Variants in CAMK4 observed in about 807,000 individuals in gnomAD.
CAMK4 encodes the protein calcium/calmodulin dependent protein kinase IV.
Under a neutral mutation model 44.9 loss-of-function variants are expected in CAMK4, and 22 were observed. That is an observed-to-expected ratio of 0.49 (90% CI 0.35 to 0.70). The LOEUF is 0.70. Among genes scored for constraint, CAMK4 ranks in the 30% least tolerant of loss-of-function variants. The pLI, the probability that CAMK4 is intolerant of heterozygous loss-of-function variation, is 0.01. For synonymous variants in CAMK4, 218 were observed against 215.4 expected, an observed-to-expected ratio of 1.01 and a Z score of -0.11; for missense variants, 498 against 586.8, an observed-to-expected ratio of 0.85 and a Z score of 1.56.
chr5:111,367,308 A>G (rs1007489878), intron 2 of CAMK4, among the ~76,000 whole-genome samples: 1 of 151,728 alleles, frequency 6.6e-6, no homozygotes, highest in East Asian at 1.9e-4. Flanking sequence ...CATCATAACT[A>G]TCTCACTCCC....
intron 1 of CAMK4, among the ~76,000 whole-genome samples, chr5:111,312,957 C>G (rs897467857): frequency 6.6e-6 from 1 of 152,102 alleles, no homozygotes; most frequent in Non-Finnish European, 1.5e-5. Flanking sequence ...AACTTTTTAA[C>G]TTAAAACAAC....
chr5:111,267,322 A>G (rs972548995), intron 1 of CAMK4, among the ~76,000 whole-genome samples: 4 of 152,176 alleles, frequency 2.6e-5, no homozygotes, highest in African/African-American at 9.7e-5. Context: ...CCTATTATGT[A>G]TATATTATAT....
intron 5 of CAMK4, among the ~76,000 whole-genome samples, chr5:111,430,027 C>T (rs1227647749): frequency 6.6e-6 from 1 of 151,316 alleles, no homozygotes; most frequent in Non-Finnish European, 1.5e-5. Flanking sequence ...AAGAAAACTA[C>T]AGGCCAGTAT....
intron 7 of CAMK4, among the ~76,000 whole-genome samples, chr5:111,455,651 G>A (rs6871622): frequency 0.019 from 2,825 of 152,296 alleles, 86 homozygotes; most frequent in African/African-American, 0.065. Context: ...ACCCTAAGGC[G>A]TGGTAGGTCT....
At chr5:111,252,996 A>G (rs1270785019) in intron 1 of CAMK4, among the ~76,000 whole-genome samples, 1 of 152,214 alleles carries the variant, frequency 6.6e-6, no homozygotes. Context: ...GCTGTCAGTC[A>G]TGTTTGCATT....
chr5:111,333,374 T>G (rs1184079614), intron 1 of CAMK4, among the ~76,000 whole-genome samples: 1 of 150,878 alleles, frequency 6.6e-6, no homozygotes, highest in Non-Finnish European at 1.5e-5. Context: ...TAGTTGATAC[T>G]AATAGCTAAC....
intron 1 of CAMK4, among the ~76,000 whole-genome samples, chr5:111,329,748 G>T (rs573567237): frequency 1.3e-5 from 2 of 151,548 alleles, no homozygotes; most frequent in African/African-American, 4.8e-5. Context: ...TCTCAATAAA[G>T]GTAGATTAAG....
At chr5:111,279,514 G>T (rs1239606511) in intron 1 of CAMK4, among the ~76,000 whole-genome samples, 1 of 151,316 alleles carries the variant, frequency 6.6e-6, no homozygotes, top group Admixed American at 6.6e-5. Context: ...TTCTCAGAGA[G>T]TGATCTTTTT....
intron 1 of CAMK4, among the ~76,000 whole-genome samples, chr5:111,329,014 A>G (rs575358455): frequency 2.6e-5 from 4 of 151,960 alleles, no homozygotes; most frequent in Non-Finnish European, 5.9e-5. Flanking sequence ...CAGCACATCA[A>G]AAAGCTTACC....
In CAMK4 at chr5:111,491,625, T is replaced by C. The variant is rs1755838505; in HGVS notation, c.*7159T>C. 6.6e-6 allele frequency: 1 copy of C among 152,150 alleles called. No individual in the cohort carries two copies. The highest frequency in any genetic ancestry group is 1.9e-4 in the East Asian group (1 of 5,200). The allele number at this position is 152,150 out of a possible 1,614,324, so 9.4% of individuals were successfully genotyped here. On this transcript the variant is annotated 3_prime_UTR_variant, in exon 11 of 11. Transcript: ENST00000282356. ...TCCTGAAGAAAAGAAATTTAGAGTATGAATTGAGTTGGTTGAGAGTAGAAT... is the reference window on the plus strand; with the variant it reads ...TCCTGAAGAAAAGAAATTTAGAGTACGAATTGAGTTGGTTGAGAGTAGAAT...
intron 1 of CAMK4, among the ~76,000 whole-genome samples, chr5:111,309,661 C>A (rs1478523284): frequency 6.6e-6 from 1 of 152,166 alleles, no homozygotes; most frequent in East Asian, 1.9e-4. Context: ...CCGACTTGTT[C>A]ACCTGGAGTT....
chr5:111,341,889 A>G (rs1029673978), intron 1 of CAMK4, among the ~76,000 whole-genome samples: 1 of 151,328 alleles, frequency 6.6e-6, no homozygotes, highest in Non-Finnish European at 1.5e-5. Flanking sequence ...CTCTACCCCA[A>G]TCCAATGCCT....
At chr5:111,395,228 GAAAA>G (rs758613011) in intron 5 of CAMK4, among the ~76,000 whole-genome samples, 6 of 114,894 alleles carry the variant, frequency 5.2e-5, no homozygotes, top group African/African-American at 2.0e-4. Flanking sequence ...AAAAAAAAAA[GAAAA>G]AAAAAAAGAA....
chr5:111,342,384 T>C (rs532238199), intron 1 of CAMK4, among the ~76,000 whole-genome samples: 4 of 151,632 alleles, frequency 2.6e-5, no homozygotes, highest in Non-Finnish European at 5.9e-5. Flanking sequence ...TTTATCCTTT[T>C]GCTAAAATTT....
rs1359262934 is a variant in CAMK4, at chr5:111,259,686, T to C, written c.161+35042T>C. Among the ~76,000 whole-genome samples, 4 of 152,282 alleles carry C rather than the reference T, an allele frequency of 2.6e-5. No individual in the cohort carries two copies. In the South Asian group the frequency reaches 6.2e-4, roughly 24 times the overall value. ...ATGTGGTATCTCCTACATGTTCTGG[T>C]TTGAATTAAGAAAATGTGACTTACA... On this transcript the variant is annotated intron_variant, in intron 1 of 10. Coordinates refer to ENST00000282356, the MANE Select transcript of CAMK4 (RefSeq NM_001744.6).
At chr5:111,258,846 A>G (rs867767822) in intron 1 of CAMK4, among the ~76,000 whole-genome samples, 3 of 151,988 alleles carry the variant, frequency 2.0e-5, no homozygotes, top group Non-Finnish European at 4.4e-5. Context: ...AACACTTAAG[A>G]AAAATCCAAA....
At chr5:111,432,112 A>G (rs534799369) in intron 5 of CAMK4, among the ~76,000 whole-genome samples, 8 of 152,322 alleles carry the variant, frequency 5.3e-5, no homozygotes, top group African/African-American at 1.7e-4. Flanking sequence ...CTAAGTGTCT[A>G]TCAACAGATG....
At chr5:111,370,769 G>C (rs1019547139) in intron 2 of CAMK4, among the ~76,000 whole-genome samples, 1 of 152,068 alleles carries the variant, frequency 6.6e-6, no homozygotes. Flanking sequence ...ACAAAAATTT[G>C]CTGGATGTGG....
At chr5:111,384,249 C>T (rs1463079106) in intron 4 of CAMK4, among the ~76,000 whole-genome samples, 1 of 152,156 alleles carries the variant, frequency 6.6e-6, no homozygotes, top group Non-Finnish European at 1.5e-5. Flanking sequence ...AGACTCTGGT[C>T]TCTGTAGCAT....
Sources: gnomAD v4.1 joint callset for allele counts (sites outside exome capture counted in the v4.1 genomes callset) on GRCh38, gnomAD v4.1.1 for gene constraint, MANE v1.5 for transcripts, NCBI Gene and HGNC (gene_info 2026-07-23, HGNC 2026-07-21) for gene names.